The following TGFBRAP1 variants were observed in gnomAD, a reference collection of about 807,000 sequenced individuals.
The protein encoded by TGFBRAP1 is transforming growth factor beta receptor associated protein 1.
A neutral mutation model predicts 83.2 loss-of-function variants in TGFBRAP1; 20 were observed. The ratio of observed to expected loss-of-function variants is 0.24; its 90% CI spans 0.17 to 0.35. TGFBRAP1 has a LOEUF of 0.35. Ranked by LOEUF, TGFBRAP1 falls within the 10% of genes least tolerant of loss-of-function variation. The pLI, the probability that TGFBRAP1 is intolerant of heterozygous loss-of-function variation, is 1.00. For missense variants in TGFBRAP1, 950 were observed against 1,099.4 expected, an observed-to-expected ratio of 0.86 and a Z score of 1.92; for synonymous variants, 415 against 459.8, an observed-to-expected ratio of 0.90 and a Z score of 1.25.
Position 105,273,630 on chromosome 2 carries a change from G to A in TGFBRAP1, c.1726C>T (p.Pro576Ser). The change falls in exon 9 of 12, where the codon CCA becomes TCA. Residue 576 changes from proline to serine, a missense_variant. Transcript: ENST00000393359. ...TTAAGGCAATTGATAATGTCGTCTG[G>A]ATTAAAACTGTTCTTCTGCTGTTCA... ...LDEQQKNSFN[P>S]DDIINCLKKY... 1 of 1,614,168 alleles carries A rather than the reference G, an allele frequency of 6.2e-7. No homozygotes were observed. Among genetic ancestry groups the A allele is most frequent in the East Asian group, 2.2e-5 (1 of 44,880 alleles).
intron 1 of TGFBRAP1, among the ~76,000 whole-genome samples, chr2:105,323,977 C>T (rs1679146507): frequency 6.6e-6 from 1 of 152,118 alleles, no homozygotes; most frequent in Admixed American, 6.5e-5. Flanking sequence ...AAATCTCTCA[C>T]ACCCTTTCAA....
downstream of TGFBRAP1, among the ~76,000 whole-genome samples, chr2:105,260,553 GAGAT>G (rs1292927137): frequency 1.1e-4 from 16 of 152,200 alleles, no homozygotes; most frequent in African/African-American, 3.6e-4. Flanking sequence ...CAAGCTCATA[GAGAT>G]AGAAAGTAGA....
intron 1 of TGFBRAP1, among the ~76,000 whole-genome samples, chr2:105,309,089 T>C (rs993325262): frequency 1.3e-5 from 2 of 152,194 alleles, no homozygotes; most frequent in Non-Finnish European, 2.9e-5. Flanking sequence ...CCATTGGAAG[T>C]GAGACTTTCC....
chr2:105,302,572 C>T (rs1678336881), intron 2 of TGFBRAP1, among the ~76,000 whole-genome samples: 1 of 151,950 alleles, frequency 6.6e-6, no homozygotes, highest in East Asian at 1.9e-4. Flanking sequence ...AAGTACTCTA[C>T]CATTTAGCCA....
chr2:105,286,371 C>T (rs149361238), intron 4 of TGFBRAP1, among the ~76,000 whole-genome samples: 1 of 152,158 alleles, frequency 6.6e-6, no homozygotes, highest in Non-Finnish European at 1.5e-5. Context: ...CTGAAGGTGA[C>T]GGTCTCATTT....
intron 1 of TGFBRAP1, among the ~76,000 whole-genome samples, chr2:105,324,012 G>A (rs1178963839): frequency 6.6e-6 from 1 of 152,100 alleles, no homozygotes; most frequent in Non-Finnish European, 1.5e-5. Flanking sequence ...CGAAAAAAGA[G>A]GAAAGGCTGA....
rs1573171739 is a variant in TGFBRAP1, at chr2:105,280,696, C to T, written c.1149G>A (p.Leu383=). ...GCAACAGGAAGGGGTAGAGAGAGAT[C>T]AGCTCCCGGACATCAAGCTGGCCGC... is the stretch of plus-strand genomic sequence containing the variant. ...FRSGQLDVRE[L]ISLYPFLLPT... Residue 383 remains leucine (L), a synonymous_variant, in exon 6 of 12, where the codon CTG becomes CTA. Transcript: ENST00000393359. 1.2e-6 allele frequency: 2 copies of T among 1,613,778 alleles called. No individual in the cohort carries two copies. Among genetic ancestry groups the T allele is most frequent in the East Asian group, 4.5e-5 (2 of 44,872 alleles).
At chr2:105,275,794 G>A in intron 7 of TGFBRAP1, 91 bp from the exon 8 acceptor site, 2 of 1,360,544 alleles carry the variant, frequency 1.5e-6, no homozygotes, top group Non-Finnish European at 9.8e-7. Context: ...AATGGCATAT[G>A]TTTACTTATT....
At chr2:105,311,978 C>T (rs1294459176) in intron 1 of TGFBRAP1, among the ~76,000 whole-genome samples, 1 of 151,884 alleles carries the variant, frequency 6.6e-6, no homozygotes, top group East Asian at 1.9e-4. Context: ...TGATCTAATT[C>T]ACATGATATA....
intron 2 of TGFBRAP1, 82 bp from the exon 3 acceptor site, chr2:105,298,787 G>T: frequency 7.5e-7 from 1 of 1,341,976 alleles, no homozygotes; most frequent in Non-Finnish European, 1.0e-6. Flanking sequence ...GATGCAGACC[G>T]ACCCCTGCCC....
downstream of TGFBRAP1, among the ~76,000 whole-genome samples, chr2:105,261,065 C>T (rs571288467): frequency 6.6e-6 from 1 of 152,318 alleles, no homozygotes; most frequent in South Asian, 2.1e-4. Context: ...CGTTTATAAG[C>T]TTCAGTCAAT....
intron 6 of TGFBRAP1, among the ~76,000 whole-genome samples, chr2:105,279,444 A>G (rs1436049127): frequency 6.6e-6 from 1 of 151,836 alleles, no homozygotes; most frequent in Non-Finnish European, 1.5e-5. Context: ...AATTTTTAGT[A>G]AAGACAAGAT....
At position 105,306,791 on chromosome 2, in the gene TGFBRAP1, T is replaced by C. The variant is rs57434391; in HGVS notation, c.688+823A>G. 7.3e-3 allele frequency among the ~76,000 whole-genome samples: 1,107 copies of C among 152,120 alleles called. 14 individuals are homozygous for C. Among genetic ancestry groups the C allele is most frequent in the African/African-American group, 0.025 (1,039 of 41,494 alleles). ...TCCAGCCTGGGCAATAAAGCGAGACTCTGTCTCAAAACAAAACAAACAAAC... is the reference window on the plus strand; with the variant it reads ...TCCAGCCTGGGCAATAAAGCGAGACCCTGTCTCAAAACAAAACAAACAAAC... On this transcript the variant is annotated intron_variant, in intron 2 of 11. Transcript: ENST00000393359.
intron 1 of TGFBRAP1, among the ~76,000 whole-genome samples, chr2:105,315,969 T>A (rs1249129021): frequency 6.6e-6 from 1 of 152,182 alleles, no homozygotes; most frequent in Non-Finnish European, 1.5e-5. Context: ...CTTACCCCCA[T>A]TTAATTGTGG....
In TGFBRAP1 at chr2:105,273,670, G is replaced by A. The variant is rs1315579840; in HGVS notation, c.1686C>T (p.Thr562=). The A allele has an allele frequency of 2.5e-6, 4 of 1,614,102 alleles. No individual in the cohort carries two copies. Among genetic ancestry groups the A allele is most frequent in the Non-Finnish European group, 2.5e-6 (3 of 1,180,028 alleles). Residue 562 remains threonine (T), a synonymous_variant, in exon 9 of 12, where the codon ACC becomes ACT. Coordinates refer to ENST00000393359, the MANE Select transcript of TGFBRAP1 (RefSeq NM_004257.6). ...KSEEVGVQVF[T]KRPLDEQQKN... ...TCTGCTGTTCATCCAAAGGTCTCTTGGTGAAAACCTGAACTCCGACCTGAA... is the reference window on the plus strand; with the variant it reads ...TCTGCTGTTCATCCAAAGGTCTCTTAGTGAAAACCTGAACTCCGACCTGAA...
At chr2:105,260,730 T>C (rs1384947608), downstream of TGFBRAP1, among the ~76,000 whole-genome samples, 5 of 152,192 alleles carry the variant, frequency 3.3e-5, no homozygotes, top group Non-Finnish European at 7.4e-5. Context: ...ACTTAAAAAT[T>C]GTTAGAATGA....
chr2:105,299,425 C>A (rs573860374), intron 2 of TGFBRAP1, among the ~76,000 whole-genome samples: 1 of 152,252 alleles, frequency 6.6e-6, no homozygotes, highest in East Asian at 1.9e-4. Context: ...TGCTGAATTT[C>A]TGCTCAAGTA....
At chr2:105,309,378 A>G (rs1446926691) in intron 1 of TGFBRAP1, among the ~76,000 whole-genome samples, 2 of 152,198 alleles carry the variant, frequency 1.3e-5, no homozygotes, top group Admixed American at 6.5e-5. Context: ...GGCTGCTATC[A>G]CTGTCACTTC....
chr2:105,267,870 G>A (rs866368164), intron 11 of TGFBRAP1: 1 of 985,406 alleles, frequency 1.0e-6, no homozygotes, highest in Non-Finnish European at 1.2e-6. Context: ...TTCAAGCAAG[G>A]CCTGTTAGAA....
Sources: gnomAD v4.1 joint callset for allele counts (sites outside exome capture counted in the v4.1 genomes callset) on GRCh38, gnomAD v4.1.1 for gene constraint, MANE v1.5 for transcripts, NCBI Gene and HGNC (gene_info 2026-07-23, HGNC 2026-07-21) for gene names.